The following SLC8A1 variants were observed in gnomAD, a reference collection of about 807,000 sequenced individuals.
SLC8A1 encodes solute carrier family 8 member A1.
In SLC8A1, 18 loss-of-function variants were observed where a neutral mutation model predicts 68.3. The observed-to-expected ratio is 0.26, with a 90% confidence interval of 0.18 to 0.39. The LOEUF is 0.39. Among genes scored for constraint, SLC8A1 ranks in the 10% least tolerant of loss-of-function variants. The pLI is 1.00. For missense variants in SLC8A1, 985 were observed against 1,156.7 expected (o/e 0.85, Z 2.15); for synonymous variants, 475 against 415.5 (o/e 1.14, Z -1.74).
intron 3 of SLC8A1, among the ~76,000 whole-genome samples, chr2:40,176,860 C>T (rs2048559458): frequency 6.6e-6 from 1 of 152,030 alleles, no homozygotes; most frequent in Non-Finnish European, 1.5e-5. Flanking sequence ...ATAAGTAAAT[C>T]ACCAGAATTC....
chr2:40,247,118 G>A (rs113458617), intron 2 of SLC8A1, among the ~76,000 whole-genome samples: 2 of 152,196 alleles, frequency 1.3e-5, no homozygotes, highest in African/African-American at 4.8e-5. Flanking sequence ...CCATTTTCCT[G>A]GGCAGAAGCA....
intron 1 of SLC8A1, among the ~76,000 whole-genome samples, chr2:40,484,072 T>C (rs1032651808): frequency 6.6e-6 from 1 of 152,210 alleles, no homozygotes; most frequent in South Asian, 2.1e-4. Flanking sequence ...AGAGAGGGTA[T>C]AACTGTGACT....
intron 2 of SLC8A1, among the ~76,000 whole-genome samples, chr2:40,317,188 A>G (rs1484002345): frequency 6.6e-6 from 1 of 152,042 alleles, no homozygotes; most frequent in East Asian, 1.9e-4. Context: ...CCCTGACTCA[A>G]GCAGAGATAC....
intron 7 of SLC8A1, among the ~76,000 whole-genome samples, chr2:40,126,859 G>A (rs1469286332): frequency 6.6e-6 from 1 of 152,146 alleles, no homozygotes; most frequent in Non-Finnish European, 1.5e-5. Context: ...CATATCATCT[G>A]TCTTGTTTAT....
intron 2 of SLC8A1, among the ~76,000 whole-genome samples, chr2:40,321,036 T>C (rs1368148365): frequency 6.6e-6 from 1 of 152,136 alleles, no homozygotes; most frequent in Non-Finnish European, 1.5e-5. Flanking sequence ...GTAAACTCCC[T>C]GAATTGGGAG....
intron 2 of SLC8A1, among the ~76,000 whole-genome samples, chr2:40,412,037 CAG>C (rs1295367346): frequency 6.6e-6 from 1 of 152,018 alleles, no homozygotes; most frequent in African/African-American, 2.4e-5. Flanking sequence ...TGGAAACAGG[CAG>C]AGAGATATTA....
intron 2 of SLC8A1, among the ~76,000 whole-genome samples, chr2:40,222,128 G>T (rs1210550042): frequency 6.6e-6 from 1 of 151,964 alleles, no homozygotes; most frequent in East Asian, 1.9e-4. Flanking sequence ...TATAGTACAA[G>T]GCTACAGTAA....
At chr2:40,121,646 T>A (rs7567178) in intron 7 of SLC8A1, among the ~76,000 whole-genome samples, 4,371 of 152,220 alleles carry the variant, frequency 0.029, 113 homozygotes, top group Non-Finnish European at 0.035. Context: ...TTCATAGGGT[T>A]TTGAAGGAAA....
intron 2 of SLC8A1, among the ~76,000 whole-genome samples, chr2:40,399,237 C>T (rs1192262067): frequency 1.3e-5 from 2 of 152,170 alleles, no homozygotes; most frequent in African/African-American, 4.8e-5. Context: ...CAGCAATCTG[C>T]AGCTAGCAAC....
rs142934072 is a variant in SLC8A1, at chr2:40,441,383, T to C, written c.-25+10521A>G. Among the ~76,000 whole-genome samples, 842 of 126,242 alleles carry C rather than the reference T, an allele frequency of 6.7e-3. 1 individual carries two copies. Among genetic ancestry groups the C allele is most frequent in the Admixed American group, 0.012 (135 of 11,612 alleles). The allele number at this position is 126,242 out of a possible 152,430, so 82.8% of individuals were successfully genotyped here. On this transcript the variant is annotated intron_variant, in intron 1 of 7. Transcript: ENST00000406785. The stretch of plus-strand genomic sequence containing the variant: ...TCCCATCAAACTACCATTGACTTTC[T>C]TCATAGAATTAGAAAAAAAAAAAAA...
At chr2:40,298,713 G>A (rs1002622805) in intron 2 of SLC8A1, among the ~76,000 whole-genome samples, 4 of 152,140 alleles carry the variant, frequency 2.6e-5, no homozygotes. Flanking sequence ...GTGCTGTAAG[G>A]ATGACATAAG....
At chr2:40,118,341 T>G (rs1397157307) in intron 7 of SLC8A1, 2 of 152,232 alleles carry the variant, frequency 1.3e-5, no homozygotes, top group Admixed American at 6.5e-5. Flanking sequence ...TTCCTTTCAC[T>G]CAGAAACTTT....
intron 4 of SLC8A1, among the ~76,000 whole-genome samples, chr2:40,168,474 A>G (rs765058108): frequency 5.9e-5 from 9 of 152,160 alleles, no homozygotes; most frequent in Non-Finnish European, 1.0e-4. Flanking sequence ...TATGTAACTG[A>G]GAAATGGCAG....
intron 2 of SLC8A1, among the ~76,000 whole-genome samples, chr2:40,276,580 G>A (rs1483440825): frequency 3.3e-5 from 5 of 152,172 alleles, no homozygotes; most frequent in Non-Finnish European, 7.3e-5. Context: ...AAGCAACTGA[G>A]TGACTTCTAC....
exon 8 of SLC8A1, chr2:40,114,581 A>G (rs1442267028): frequency 6.5e-6 from 1 of 152,754 alleles, no homozygotes; most frequent in African/African-American, 2.4e-5. Flanking sequence ...CAGGTATCAC[A>G]TGTTTAAATA....
At position 40,118,096 on chromosome 2, in the gene SLC8A1, G is replaced by A. The variant is rs576960333; in HGVS notation, c.2438-2467C>T. 4.6e-5 allele frequency among the ~76,000 whole-genome samples: 7 copies of A among 152,272 alleles called. No individual in the cohort carries two copies. The South Asian group carries it at 8.3e-4, about 18-fold the overall frequency. On this transcript the variant is annotated intron_variant, in intron 7 of 7. Transcript: ENST00000406785. ...CTAGGCACTATGCTACACAGGCAAC[G>A]TGTGTATTCTCATTCACCCCTCTCA...
chr2:40,384,098 AGTT>A (rs1275197863), intron 2 of SLC8A1, among the ~76,000 whole-genome samples: 1 of 148,514 alleles, frequency 6.7e-6, no homozygotes, highest in Non-Finnish European at 1.5e-5. Context: ...CCATCTCTAC[AGTT>A]TTTTTTTTTA....
intron 2 of SLC8A1, among the ~76,000 whole-genome samples, chr2:40,379,374 T>G (rs905115303): frequency 1.3e-5 from 2 of 152,128 alleles, no homozygotes; most frequent in African/African-American, 4.8e-5. Context: ...AATTCTTTTT[T>G]CTTCAATTTT....
intron 2 of SLC8A1, among the ~76,000 whole-genome samples, chr2:40,269,681 G>C (rs1218063054): frequency 6.6e-6 from 1 of 152,174 alleles, no homozygotes; most frequent in Non-Finnish European, 1.5e-5. Context: ...TTGTAAGGGA[G>C]CATGAAGTGA....
Sources: gnomAD v4.1 joint callset for allele counts (sites outside exome capture counted in the v4.1 genomes callset) on GRCh38, gnomAD v4.1.1 for gene constraint, MANE v1.5 for transcripts, NCBI Gene and HGNC (gene_info 2026-07-23, HGNC 2026-07-21) for gene names.